The following MAP2K1 variants were observed in gnomAD, a reference collection of about 807,000 sequenced individuals.
MAP2K1 encodes mitogen-activated protein kinase kinase 1.
Under a neutral mutation model 46.3 loss-of-function variants are expected in MAP2K1, and 16 were observed. That is an observed-to-expected ratio of 0.35 (90% CI 0.23 to 0.52). The LOEUF (loss-of-function observed/expected upper bound fraction) is 0.52, where lower values mean the gene tolerates loss of function less well. MAP2K1 is among the 20% of genes least tolerant of loss of function. The pLI is 0.94. For synonymous variants in MAP2K1, 183 were observed against 185.6 expected (o/e 0.99, Z 0.11); for missense variants, 263 against 497.1 (o/e 0.53, Z 4.48).
At chr15:66,404,295 T>C (rs1179392989) in intron 1 of MAP2K1, among the ~76,000 whole-genome samples, 1 of 152,142 alleles carries the variant, frequency 6.6e-6, no homozygotes, top group Non-Finnish European at 1.5e-5. Context: ...GTGGTTGCAG[T>C]GAGCGGAGAT....
chr15:66,403,725 C>T (rs1025455), intron 1 of MAP2K1, among the ~76,000 whole-genome samples: 137,235 of 152,038 alleles, frequency 0.9, 63,569 homozygotes, highest in East Asian at 1. Context: ...CAGGTTTGTC[C>T]GAATCCAGGT....
At chr15:66,477,713 G>C (rs1892787866) in intron 5 of MAP2K1, among the ~76,000 whole-genome samples, 2 of 152,200 alleles carry the variant, frequency 1.3e-5, no homozygotes, top group African/African-American at 4.8e-5. Context: ...CCCATGGGGA[G>C]AGTGTGGGCC....
chr15:66,420,334 A>C (rs1420119440), intron 1 of MAP2K1, among the ~76,000 whole-genome samples: 1 of 152,150 alleles, frequency 6.6e-6, no homozygotes, highest in Non-Finnish European at 1.5e-5. Context: ...TGGGAGGCCA[A>C]GGTGGGTGGA....
intron 3 of MAP2K1, among the ~76,000 whole-genome samples, chr15:66,439,828 A>T (rs916612517): frequency 6.6e-6 from 1 of 151,184 alleles, no homozygotes; most frequent in Non-Finnish European, 1.5e-5. Context: ...CCAGCTACTC[A>T]GGAAGCTGAG....
chr15:66,434,428 C>G (rs2093482259), intron 1 of MAP2K1, among the ~76,000 whole-genome samples: 1 of 151,998 alleles, frequency 6.6e-6, no homozygotes, highest in Non-Finnish European at 1.5e-5. Flanking sequence ...AGAGTCTTGC[C>G]CTATGTTAAA....
intron 5 of MAP2K1, chr15:66,446,680 G>A: frequency 2.5e-6 from 1 of 392,478 alleles, no homozygotes; most frequent in Non-Finnish European, 5.5e-6. Context: ...TTCATCTCGG[G>A]CATAAACACT....
intron 5 of MAP2K1, among the ~76,000 whole-genome samples, chr15:66,459,852 A>G (rs1194332868): frequency 6.6e-6 from 1 of 152,156 alleles, no homozygotes; most frequent in African/African-American, 2.4e-5. Flanking sequence ...GCAGACTCAC[A>G]CGTAATGATT....
intron 1 of MAP2K1, among the ~76,000 whole-genome samples, chr15:66,421,095 C>CAT (rs2093441893): frequency 1.4e-5 from 1 of 69,502 alleles, no homozygotes; most frequent in African/African-American, 8.9e-5. Context: ...CACACACATA[C>CAT]ACACACACAC....
chr15:66,427,150 A>T (rs937700986), intron 1 of MAP2K1, among the ~76,000 whole-genome samples: 14 of 152,246 alleles, frequency 9.2e-5, no homozygotes, highest in Non-Finnish European at 1.9e-4. Context: ...GATAATAAGT[A>T]AAAAGTGGTT....
chr15:66,391,358 G>A (rs965256678), intron 1 of MAP2K1, among the ~76,000 whole-genome samples: 2 of 152,090 alleles, frequency 1.3e-5, no homozygotes, highest in Non-Finnish European at 2.9e-5. Context: ...GCACTACCTC[G>A]GCTCACTGCA....
chr15:66,410,394 G>A (rs1418047442), intron 1 of MAP2K1, among the ~76,000 whole-genome samples: 1 of 152,106 alleles, frequency 6.6e-6, no homozygotes, highest in African/African-American at 2.4e-5. Context: ...TTGAGCGATA[G>A]GATTTAACTT....
chr15:66,485,159 C>T lies in MAP2K1; in HGVS notation c.863C>T (p.Pro288Leu), dbSNP rs2140675340. 3 of 1,613,964 alleles carry T rather than the reference C, an allele frequency of 1.9e-6. No homozygotes were observed. Among genetic ancestry groups the T allele is most frequent in the South Asian group, 1.1e-5 (1 of 91,062 alleles). ...GAAGGAGATGCGGCTGAGACCCCACCCAGGCCAAGGACCCCCGGGAGGCCC... is the reference window on the plus strand; with the variant it reads ...GAAGGAGATGCGGCTGAGACCCCACTCAGGCCAAGGACCCCCGGGAGGCCC... ...QVEGDAAETP[P>L]RPRTPGRPLS... The change falls in exon 7 of 11, where the codon CCC becomes CTC. Residue 288 changes from proline to leucine, a missense_variant. Coordinates refer to ENST00000307102, the MANE Select transcript of MAP2K1 (RefSeq NM_002755.4).
At position 66,490,781 on chromosome 15, in the gene MAP2K1, CTG is replaced by C. The variant is rs1893230570; in HGVS notation, c.*168_*169del. The C allele has an allele frequency of 5.7e-6, 4 of 700,568 alleles. No individual in the cohort carries two copies. The highest frequency in any genetic ancestry group is 7.8e-6 in the Non-Finnish European group (3 of 383,388). The allele number at this position is 700,568 out of a possible 1,614,324, so 43.4% of individuals were successfully genotyped here. On this transcript the variant is annotated 3_prime_UTR_variant, in exon 11 of 11. Transcript: ENST00000307102. ...TCTACTCTTGTCATTTTTAATATTA[CTG>C]TCTTTATTCTTATTACTATTATTGT...
At chr15:66,395,019 C>T (rs1407707232) in intron 1 of MAP2K1, among the ~76,000 whole-genome samples, 1 of 152,208 alleles carries the variant, frequency 6.6e-6, no homozygotes, top group Admixed American at 6.5e-5. Flanking sequence ...TAAACACTCA[C>T]AGAATTCCAG....
Position 66,489,172 on chromosome 15 carries a change from G to C in MAP2K1, c.961-43G>C, listed in dbSNP as rs1268583921. ...GGGATGGGGAGAGGAGATGGCTGGA[G>C]CAAGGAGCCAGGCATTTTTCTTATC... On this transcript the variant is annotated intron_variant, in intron 8 of 10. Transcript: ENST00000307102. The C allele has an allele frequency of 3.9e-6, 6 of 1,533,704 alleles. No individual in the cohort carries two copies. In the Admixed American group the frequency reaches 8.4e-5, roughly 21 times the overall value.
intron 5 of MAP2K1, among the ~76,000 whole-genome samples, chr15:66,472,598 C>G (rs1276254519): frequency 6.6e-6 from 1 of 151,578 alleles, no homozygotes; most frequent in Non-Finnish European, 1.5e-5. Flanking sequence ...ACAAGGTTCT[C>G]ATTGTGTCAG....
chr15:66,397,368 A>T (rs975041509), intron 1 of MAP2K1, among the ~76,000 whole-genome samples: 1 of 152,078 alleles, frequency 6.6e-6, no homozygotes, highest in Non-Finnish European at 1.5e-5. Context: ...AGTTTTCCTC[A>T]TTAGTAGAGT....
intron 5 of MAP2K1, among the ~76,000 whole-genome samples, chr15:66,461,547 C>T (rs911387202): frequency 4.6e-5 from 7 of 151,800 alleles, no homozygotes; most frequent in Non-Finnish European, 8.8e-5. Context: ...TGATATAGCT[C>T]AGCTTGAGGA....
At chr15:66,485,245 C>A (rs1333701535) in intron 7 of MAP2K1, 54 bp downstream of exon 7, 1 of 1,519,342 alleles carries the variant, frequency 6.6e-7, no homozygotes, top group Non-Finnish European at 9.0e-7. Flanking sequence ...GGGTCCCTTA[C>A]TTTCAGGGGT....
Sources: allele counts gnomAD v4.1 joint callset (sites outside exome capture counted in the v4.1 genomes callset), GRCh38; gene constraint gnomAD v4.1.1; transcripts MANE v1.5; gene names NCBI Gene and HGNC (gene_info 2026-07-23, HGNC 2026-07-21).